Variants in USP9X observed in about 807,000 individuals in gnomAD.
The protein encoded by USP9X is ubiquitin carboxyl-terminal hydrolase 9X.
In USP9X, 7 loss-of-function variants were observed where a neutral mutation model predicts 190.3. The observed-to-expected ratio is 0.04, with a 90% CI of 0.02 to 0.07. The LOEUF (loss-of-function observed/expected upper bound fraction) is 0.07, where lower values mean the gene tolerates loss of function less well. Among genes scored for constraint, USP9X ranks in the 10% least tolerant of loss-of-function variants. USP9X has a pLI of 1.00. For missense variants in USP9X, 1,010 were observed against 1,916.9 expected (o/e 0.53, Z 8.83); for synonymous variants, 645 against 659.5 (o/e 0.98, Z 0.34).
chrX:41,166,242 TG>T, intron 16 of USP9X, 28 bp downstream of exon 16: 1 of 1,021,885 alleles, frequency 9.8e-7, no homozygotes, highest in Non-Finnish European at 1.3e-6. Flanking sequence ...ACTCTGTAAA[TG>T]GTGTCTGATG....
At chrX:41,187,869 AT>A in intron 24 of USP9X, 122 bp from the exon 25 acceptor site, 1 of 683,495 alleles carries the variant, frequency 1.5e-6, no homozygotes, top group Non-Finnish European at 2.0e-6. Flanking sequence ...CAACTTGGGA[AT>A]TTAAAAACAA....
chrX:41,093,323 C>T (rs1023137137), intron 1 of USP9X, among the ~76,000 whole-genome samples: 4 of 112,252 alleles, frequency 3.6e-5, no homozygotes. Flanking sequence ...TGTATTTGTA[C>T]GGCAGTATCT....
chrX:41,209,282 G>A (rs2063137303), intron 32 of USP9X, among the ~76,000 whole-genome samples: 1 of 111,661 alleles, frequency 9.0e-6, no homozygotes, highest in East Asian at 2.8e-4. Flanking sequence ...CTCTTTAGTT[G>A]CCTTTTATGT....
Position 41,131,447 on chromosome X carries a change from A to T in USP9X, c.243-10A>T. 3 of 1,206,163 alleles carry T rather than the reference A, an allele frequency of 2.5e-6. No homozygotes were observed. Among genetic ancestry groups the T allele is most frequent in the Non-Finnish European group, 3.4e-6 (3 of 892,307 alleles). On this transcript the variant is annotated splice_polypyrimidine_tract_variant and intron_variant, in intron 3 of 44. Coordinates refer to ENST00000378308, the MANE Select transcript of USP9X (RefSeq NM_001039591.3). ...CCATTAAGCATGTTTTTGTTTGGTA[A>T]AACTTTTAGGCCTCGATGGGTGGTT...
At chrX:41,207,597 C>T (rs1052095235) in intron 32 of USP9X, among the ~76,000 whole-genome samples, 1 of 111,473 alleles carries the variant, frequency 9.0e-6, no homozygotes, top group African/African-American at 3.3e-5. Context: ...TACAGTACAA[C>T]CACGTAACTC....
intron 26 of USP9X, among the ~76,000 whole-genome samples, chrX:41,190,124 G>A (rs1002341049): frequency 8.9e-6 from 1 of 111,980 alleles, no homozygotes; most frequent in African/African-American, 3.2e-5. Flanking sequence ...TGTATTTTGT[G>A]AAAAGACACA....
rs191055345 is a variant in USP9X at position 41,115,374 on chromosome X, G to A, written c.-158-8097G>A. On this transcript the variant is annotated intron_variant, in intron 1 of 44. Transcript: ENST00000378308. ...TGGAAAAACAAGGGTTATAGATGTC[G>A]GTTAAACATAGAAATTTGAAAGGAA... Among the ~76,000 whole-genome samples the A allele has an allele frequency of 3.3e-4, 37 of 111,839 alleles. No homozygotes were observed. The East Asian group carries it at 6.6e-3, about 20-fold the overall frequency.
chrX:41,162,967 G>T, intron 15 of USP9X, 90 bp downstream of exon 15: 1 of 661,218 alleles, frequency 1.5e-6, no homozygotes. Context: ...TTTGTTGGGT[G>T]GCCTTTTCCC....
intron 4 of USP9X, 66 bp downstream of exon 4, chrX:41,131,602 A>G: frequency 1.0e-6 from 1 of 989,354 alleles, no homozygotes. Context: ...TTTATCCCAA[A>G]AGCGGATGAA....
chrX:41,192,156 C>T (rs1420940073), intron 26 of USP9X, among the ~76,000 whole-genome samples: 1 of 112,107 alleles, frequency 8.9e-6, no homozygotes, highest in African/African-American at 3.2e-5. Flanking sequence ...TGCTTTCCTG[C>T]TTAAAATCTT....
chrX:41,205,078 CTA>C, intron 31 of USP9X: 1 of 310,585 alleles, frequency 3.2e-6, no homozygotes, highest in Non-Finnish European at 5.5e-6. Flanking sequence ...TAATGCTACA[CTA>C]TATTATCTAT....
chrX:41,134,574 A>G, intron 4 of USP9X, 151 bp from the exon 5 acceptor site: 1 of 424,670 alleles, frequency 2.4e-6, no homozygotes, highest in East Asian at 4.0e-5. Context: ...TAGTGTTAAT[A>G]TTACTCGGTT....
At chrX:41,204,293 C>G (rs2063070296) in intron 31 of USP9X, among the ~76,000 whole-genome samples, 1 of 111,471 alleles carries the variant, frequency 9.0e-6, no homozygotes. Context: ...TCTGTATGTT[C>G]TAGATATTAA....
chrX:41,178,292 G>T (rs1399809646), intron 21 of USP9X, among the ~76,000 whole-genome samples: 4 of 107,662 alleles, frequency 3.7e-5, no homozygotes, highest in African/African-American at 1.4e-4. Flanking sequence ...GTAGAGACGA[G>T]GTTTCACCAT....
At chrX:41,169,936 G>A (rs2062710205) in intron 18 of USP9X, 59 bp from the exon 19 acceptor site, 26 of 1,180,759 alleles carry the variant, frequency 2.2e-5, no homozygotes, top group Non-Finnish European at 2.8e-5. Context: ...TATTTTCTTG[G>A]CAACAAAATT....
At position 41,150,922 on chromosome X, in the gene USP9X, A is replaced by G; in HGVS notation, c.1628A>G (p.Asp543Gly). 8.3e-7 allele frequency: 1 copy of G among 1,202,656 alleles called. No homozygotes were observed. The highest frequency in any genetic ancestry group is 2.2e-5 in the Admixed American group (1 of 44,976). The change falls in exon 13 of 45, where the codon GAC (aspartate) becomes GGC (glycine). Residue 543 changes from aspartate to glycine, a missense_variant and splice_region_variant. This residue lies in a region of USP9X where 104 missense variants were observed against 239.8 expected (regional missense o/e 0.43). Coordinates refer to ENST00000378308, the MANE Select transcript of USP9X (RefSeq NM_001039591.3). ...AAACATTGAAATCATTTGTTTAAGG[A>G]CCGTGATACACAAAAGATCCAATGG... is the stretch of plus-strand genomic sequence containing the variant. ...IKILDYSCSQ[D>G]RDTQKIQWID...
At chrX:41,162,309 A>T (rs2062640805) in intron 14 of USP9X, among the ~76,000 whole-genome samples, 1 of 112,538 alleles carries the variant, frequency 8.9e-6, no homozygotes, top group African/African-American at 3.2e-5. Flanking sequence ...TGACAATTGT[A>T]TGATAACTTG....
At chrX:41,230,402 C>T in intron 43 of USP9X, 99 bp from the exon 44 acceptor site, 1 of 702,456 alleles carries the variant, frequency 1.4e-6, no homozygotes, top group Non-Finnish European at 2.1e-6. Context: ...GCTAATGGGT[C>T]AGTTTTGTAG....
intron 11 of USP9X, among the ~76,000 whole-genome samples, chrX:41,146,095 C>G (rs980758294): frequency 9.0e-6 from 1 of 111,374 alleles, no homozygotes; most frequent in Non-Finnish European, 1.9e-5. Context: ...ATAAAGACTT[C>G]CGAAATGATG....
Sources: gnomAD v4.1 joint callset for allele counts (sites outside exome capture counted in the v4.1 genomes callset) on GRCh38, gnomAD v4.1.1 for gene constraint, gnomAD v4.1.1 regional missense constraint, MANE v1.5 for transcripts, NCBI Gene and HGNC (gene_info 2026-07-23, HGNC 2026-07-21) for gene names.